The following SLC2A9 variants were observed in gnomAD, a reference collection of about 807,000 sequenced individuals.
SLC2A9 encodes solute carrier family 2 member 9.
In SLC2A9, 39 loss-of-function variants were observed where a neutral mutation model predicts 50.6. That is an observed-to-expected ratio of 0.77 (90% CI 0.60 to 1.01). The LOEUF (loss-of-function observed/expected upper bound fraction) is 1.01, where lower values mean the gene tolerates loss of function less well. Among genes scored for constraint, SLC2A9 ranks in the 50% least tolerant of loss-of-function variants. The pLI, the probability that SLC2A9 is intolerant of heterozygous loss-of-function variation, is 0.00. For synonymous variants in SLC2A9, 324 were observed against 276.9 expected, an observed-to-expected ratio of 1.17 and a Z score of -1.69; for missense variants, 686 against 677.6, an observed-to-expected ratio of 1.01 and a Z score of -0.14.
chr4:9,913,469 C>T (rs767025860), intron 7 of SLC2A9, among the ~76,000 whole-genome samples: 1 of 152,114 alleles, frequency 6.6e-6, no homozygotes, highest in Non-Finnish European at 1.5e-5. Context: ...TCTTGAAGTA[C>T]AGAAGACAGA....
chr4:9,954,678 A>G (rs532293179), intron 5 of SLC2A9, among the ~76,000 whole-genome samples: 1 of 152,012 alleles, frequency 6.6e-6, no homozygotes, highest in Admixed American at 6.6e-5. Flanking sequence ...CCCAGACAAG[A>G]CCTGCTTCCT....
At chr4:9,772,506 G>C (rs925394756) in intron 1 of SLC2A9, among the ~76,000 whole-genome samples, 2 of 152,186 alleles carry the variant, frequency 1.3e-5, no homozygotes, top group African/African-American at 4.8e-5. Context: ...ATGTGGTGTT[G>C]GGTGGCCGCA....
chr4:9,832,592 G>A (rs190980687), intron 11 of SLC2A9, among the ~76,000 whole-genome samples: 2 of 152,196 alleles, frequency 1.3e-5, no homozygotes, highest in Non-Finnish European at 2.9e-5. Context: ...TTCCAGAGGG[G>A]ATTTGTTTCG....
chr4:9,870,860 G>C (rs923933675), intron 10 of SLC2A9, among the ~76,000 whole-genome samples: 1 of 152,154 alleles, frequency 6.6e-6, no homozygotes, highest in African/African-American at 2.4e-5. Context: ...CGGAGACTTT[G>C]TAAGGATTAG....
chr4:9,955,866 G>GA (rs1751168128), intron 5 of SLC2A9, among the ~76,000 whole-genome samples: 1 of 81,628 alleles, frequency 1.2e-5, no homozygotes, highest in East Asian at 3.6e-4. Context: ...CAAGCATCTG[G>GA]ATTTTTTTTT....
chr4:9,860,152 C>T (rs1308318505), intron 10 of SLC2A9, among the ~76,000 whole-genome samples: 1 of 152,198 alleles, frequency 6.6e-6, no homozygotes, highest in Admixed American at 6.5e-5. Flanking sequence ...CAGGCGTTCT[C>T]TGTGGGAAAT....
intron 3 of SLC2A9, among the ~76,000 whole-genome samples, chr4:9,994,923 C>A (rs924413199): frequency 6.6e-6 from 1 of 152,122 alleles, no homozygotes; most frequent in African/African-American, 2.4e-5. Flanking sequence ...CTGGCTTGGG[C>A]AGGAGGCTTA....
chr4:10,037,314 A>C (rs1764138109), intron 1 of SLC2A9, among the ~76,000 whole-genome samples: 1 of 152,158 alleles, frequency 6.6e-6, no homozygotes, highest in Non-Finnish European at 1.5e-5. Flanking sequence ...CATTTCATAA[A>C]AATGGGATCA....
chr4:9,941,421 T>C (rs969691213), intron 6 of SLC2A9, among the ~76,000 whole-genome samples: 1 of 152,166 alleles, frequency 6.6e-6, no homozygotes, highest in Admixed American at 6.5e-5. Context: ...CTGTGGGTCA[T>C]TGTGAAGAAG....
intron 3 of SLC2A9, among the ~76,000 whole-genome samples, chr4:9,803,255 GA>G (rs1156933368): frequency 6.6e-6 from 1 of 152,216 alleles, no homozygotes; most frequent in Non-Finnish European, 1.5e-5. Flanking sequence ...TAAACAGCCT[GA>G]ACACAATATG....
intron 10 of SLC2A9, among the ~76,000 whole-genome samples, chr4:9,860,090 C>T (rs1450317883): frequency 6.6e-6 from 1 of 152,126 alleles, no homozygotes; most frequent in African/African-American, 2.4e-5. Context: ...TGAGAACAGC[C>T]CGCAGTTCCT....
chr4:9,795,606 A>G (rs1381334682), downstream of SLC2A9, among the ~76,000 whole-genome samples: 2 of 152,198 alleles, frequency 1.3e-5, no homozygotes, highest in East Asian at 3.9e-4. Flanking sequence ...GAGAGCTGGA[A>G]AGCATTTTTG....
At chr4:9,954,310 C>G (rs1260959103) in intron 5 of SLC2A9, among the ~76,000 whole-genome samples, 1 of 152,258 alleles carries the variant, frequency 6.6e-6, no homozygotes, top group Non-Finnish European at 1.5e-5. Flanking sequence ...AAGGGCCTGG[C>G]CACAGACATG....
At chr4:9,976,797 C>T (rs564572131) in intron 5 of SLC2A9, among the ~76,000 whole-genome samples, 14 of 152,162 alleles carry the variant, frequency 9.2e-5, no homozygotes, top group Non-Finnish European at 1.6e-4. Context: ...ATCTAGGTAC[C>T]CAGGTCCTCG....
chr4:9,924,016 TGAA>T (rs2110108640), intron 6 of SLC2A9: 1 of 152,170 alleles, frequency 6.6e-6, no homozygotes, highest in South Asian at 2.1e-4. Context: ...TGCACGGAGA[TGAA>T]GTTCCTGCCC....
chr4:9,990,133 T>C (rs1757439209), intron 3 of SLC2A9, among the ~76,000 whole-genome samples: 1 of 152,140 alleles, frequency 6.6e-6, no homozygotes, highest in African/African-American at 2.4e-5. Flanking sequence ...ACAGGGACTT[T>C]GGCAGCTTTG....
At chr4:9,886,964 G>C (rs1325249528) in intron 10 of SLC2A9, among the ~76,000 whole-genome samples, 1 of 152,222 alleles carries the variant, frequency 6.6e-6, no homozygotes, top group African/African-American at 2.4e-5. Flanking sequence ...GGCTAGAAGT[G>C]AGTCCCAGGT....
At chr4:9,948,112 T>TA (rs1749530103) in intron 5 of SLC2A9, among the ~76,000 whole-genome samples, 1 of 152,106 alleles carries the variant, frequency 6.6e-6, no homozygotes, top group Non-Finnish European at 1.5e-5. Context: ...TATTTCTTTC[T>TA]AAACACCACC....
At chr4:9,801,107 T>C (rs1026669494) in intron 3 of SLC2A9, among the ~76,000 whole-genome samples, 4 of 151,834 alleles carry the variant, frequency 2.6e-5, no homozygotes, top group Non-Finnish European at 5.9e-5. Context: ...CTCATTTGAA[T>C]GTGGCTTTTG....
Sources: gnomAD v4.1 joint callset for allele counts (sites outside exome capture counted in the v4.1 genomes callset) on GRCh38, gnomAD v4.1.1 for gene constraint, MANE v1.5 for transcripts, NCBI Gene and HGNC (gene_info 2026-07-23, HGNC 2026-07-21) for gene names.